The following GABBR2 variants were observed in gnomAD, a reference collection of about 807,000 sequenced individuals.
GABBR2 encodes the protein G-protein coupled receptor 51.
Under a neutral mutation model 105.6 loss-of-function variants are expected in GABBR2, and 23 were observed. The observed-to-expected ratio is 0.22, with a 90% CI of 0.16 to 0.31. The LOEUF is 0.31. Among genes scored for constraint, GABBR2 ranks in the 10% least tolerant of loss-of-function variants. The probability of loss-of-function intolerance (pLI) is 1.00; values close to 1 mark genes in which losing one functional copy is unlikely to be tolerated. For synonymous variants in GABBR2, 478 were observed against 499.7 expected (o/e 0.96, Z 0.58); for missense variants, 734 against 1,245.5 (o/e 0.59, Z 6.18).
At chr9:98,636,747 G>A (rs1283616231) in intron 1 of GABBR2, among the ~76,000 whole-genome samples, 1 of 152,022 alleles carries the variant, frequency 6.6e-6, no homozygotes, top group Non-Finnish European at 1.5e-5. Context: ...GCCCACCTCA[G>A]CCTCCCAAAG....
At chr9:98,377,291 C>T (rs950148564) in intron 11 of GABBR2, among the ~76,000 whole-genome samples, 5 of 152,072 alleles carry the variant, frequency 3.3e-5, no homozygotes, top group Admixed American at 6.5e-5. Flanking sequence ...GGACAGAAGA[C>T]GTGGACAAGT....
intron 14 of GABBR2, among the ~76,000 whole-genome samples, chr9:98,307,688 C>A (rs1474114553): frequency 1.3e-5 from 2 of 151,148 alleles, no homozygotes; most frequent in Non-Finnish European, 2.9e-5. Context: ...ACCTTACTTT[C>A]AACGTCTGTG....
chr9:98,471,699 C>T (rs769468058), intron 6 of GABBR2, among the ~76,000 whole-genome samples: 2 of 152,180 alleles, frequency 1.3e-5, no homozygotes, highest in Non-Finnish European at 2.9e-5. Flanking sequence ...CATTTAGTTA[C>T]TGTACCATCT....
intron 2 of GABBR2, 124 bp downstream of exon 2, chr9:98,577,811 G>A (rs1828941578): frequency 1.1e-6 from 1 of 895,086 alleles, no homozygotes; most frequent in Admixed American, 2.8e-5. Context: ...TATCACCCAG[G>A]AGAAAGTCCA....
Position 98,454,760 on chromosome 9 carries a change from C to T in GABBR2, c.1000-543G>A, listed in dbSNP as rs1350659998. ...AGCTGACAGTGTGCTGCTCAGCCCA[C>T]CCCTCCCCTTCCCTTCCCACCCCTC... is the stretch of plus-strand genomic sequence containing the variant. On this transcript the variant is annotated intron_variant, in intron 6 of 18. Coordinates refer to ENST00000259455, the MANE Select transcript of GABBR2 (RefSeq NM_005458.8). The surrounding 1 kb of genome is among the most constrained non-coding windows in gnomAD (Gnocchi z 4.6). Among the ~76,000 whole-genome samples, 1 of 151,830 alleles carries T rather than the reference C, an allele frequency of 6.6e-6. No homozygotes were observed. Among genetic ancestry groups the T allele is most frequent in the Non-Finnish European group, 1.5e-5 (1 of 67,948 alleles).
intron 13 of GABBR2, among the ~76,000 whole-genome samples, chr9:98,322,641 C>G (rs1377288327): frequency 1.3e-5 from 2 of 151,376 alleles, no homozygotes; most frequent in African/African-American, 4.9e-5. Flanking sequence ...CCCCATCCCC[C>G]AGTCTCAGCC....
intron 4 of GABBR2, among the ~76,000 whole-genome samples, chr9:98,493,148 T>C (rs773092011): frequency 6.6e-6 from 1 of 152,252 alleles, no homozygotes; most frequent in Non-Finnish European, 1.5e-5. Flanking sequence ...TAATTTTTTG[T>C]GTTCAAATTG....
At chr9:98,398,452 G>C (rs1454722605) in intron 8 of GABBR2, among the ~76,000 whole-genome samples, 1 of 152,092 alleles carries the variant, frequency 6.6e-6, no homozygotes, top group Non-Finnish European at 1.5e-5. Context: ...GTCTTGCTAA[G>C]TGAGGGGGCT....
chr9:98,559,326 C>T (rs930990354), intron 2 of GABBR2, among the ~76,000 whole-genome samples: 7 of 152,134 alleles, frequency 4.6e-5, no homozygotes, highest in South Asian at 2.1e-4. Context: ...GATGGGGTTT[C>T]GCCATGTTGG....
intron 1 of GABBR2, among the ~76,000 whole-genome samples, chr9:98,676,256 C>T (rs902811129): frequency 1.1e-4 from 16 of 152,198 alleles, no homozygotes; most frequent in African/African-American, 3.6e-4. Context: ...TTGAAAAAAG[C>T]AAGGAAATGA....
intron 7 of GABBR2, among the ~76,000 whole-genome samples, chr9:98,406,374 T>A (rs1435406042): frequency 6.6e-6 from 1 of 152,252 alleles, no homozygotes; most frequent in East Asian, 1.9e-4. Context: ...CTAACACATG[T>A]GAATTGAAGC....
chr9:98,399,351 CAAA>C (rs56407615), intron 8 of GABBR2, among the ~76,000 whole-genome samples: 7 of 98,348 alleles, frequency 7.1e-5, no homozygotes, highest in Non-Finnish European at 2.1e-5. Flanking sequence ...GACTCCATCT[CAAA>C]AAAAAAAAAA....
intron 7 of GABBR2, among the ~76,000 whole-genome samples, chr9:98,430,817 G>A (rs7043160): frequency 0.099 from 15,058 of 151,984 alleles, 1,175 homozygotes; most frequent in East Asian, 0.22. Flanking sequence ...AAACCCTCCA[G>A]ATGGTCATCT....
intron 2 of GABBR2, among the ~76,000 whole-genome samples, chr9:98,560,584 T>C (rs1828659484): frequency 1.3e-5 from 2 of 151,934 alleles, no homozygotes; most frequent in Non-Finnish European, 2.9e-5. Flanking sequence ...GTTGAAAGAA[T>C]AGTACGAGGA....
intron 7 of GABBR2, among the ~76,000 whole-genome samples, chr9:98,418,550 CAACA>C (rs869295378): frequency 1.7e-4 from 26 of 150,596 alleles, no homozygotes; most frequent in African/African-American, 5.9e-4. Context: ...ACAACAACAA[CAACA>C]AAAAAACCCA....
chr9:98,455,383 C>T (rs1395755238), intron 6 of GABBR2, among the ~76,000 whole-genome samples: 2 of 152,144 alleles, frequency 1.3e-5, no homozygotes, highest in African/African-American at 4.8e-5. Flanking sequence ...TCAGGGCCCA[C>T]GGCTTGGTCT....
intron 7 of GABBR2, among the ~76,000 whole-genome samples, chr9:98,423,945 G>A (rs911814861): frequency 5.3e-5 from 8 of 152,090 alleles, no homozygotes; most frequent in African/African-American, 1.4e-4. Flanking sequence ...TGAGGGCTCC[G>A]TTCTGTTCTA....
chr9:98,577,906 C>T (rs757763032), intron 2 of GABBR2, 29 bp downstream of exon 2: 6 of 1,579,788 alleles, frequency 3.8e-6, no homozygotes, highest in Non-Finnish European at 5.2e-6. Context: ...AAGACACCTC[C>T]CCACAAAAGA....
intron 7 of GABBR2, among the ~76,000 whole-genome samples, chr9:98,416,541 C>T (rs1334626225): frequency 6.6e-6 from 1 of 152,192 alleles, no homozygotes; most frequent in African/African-American, 2.4e-5. Context: ...ATGGGGACTC[C>T]CTGCTCTCCT....
Sources: allele counts gnomAD v4.1 joint callset (sites outside exome capture counted in the v4.1 genomes callset), GRCh38; gene constraint gnomAD v4.1.1; non-coding constraint Gnocchi (gnomAD v3.1); transcripts MANE v1.5; gene names NCBI Gene and HGNC (gene_info 2026-07-23, HGNC 2026-07-21).